The following LYZL2 variants were observed in gnomAD, a reference collection of about 807,000 sequenced individuals.
LYZL2 encodes the protein lysozyme-like protein 2.
In LYZL2, 13 loss-of-function variants were observed where a neutral mutation model predicts 17.1. That is an observed-to-expected ratio of 0.76 (90% confidence interval 0.49 to 1.21). LYZL2 has a LOEUF of 1.21. Ranked by LOEUF, LYZL2 falls within the 50% of genes most tolerant of loss-of-function variation. The pLI, the probability that LYZL2 is intolerant of heterozygous loss-of-function variation, is 0.00. For synonymous variants in LYZL2, 63 were observed against 74.4 expected (o/e 0.85, Z 0.79); for missense variants, 166 against 189.2 (o/e 0.88, Z 0.72).
intron 3 of LYZL2, among the ~76,000 whole-genome samples, chr10:30,619,598 G>A (rs1564408439): frequency 6.9e-6 from 1 of 145,250 alleles, no homozygotes; most frequent in Non-Finnish European, 1.5e-5. Flanking sequence ...AACACCGCAT[G>A]TTCTCACTCA....
At chr10:30,627,848 T>C (rs1838740569) in intron 1 of LYZL2, among the ~76,000 whole-genome samples, 1 of 152,200 alleles carries the variant, frequency 6.6e-6, no homozygotes, top group Non-Finnish European at 1.5e-5. Context: ...CACGTGGACC[T>C]GAATGGAAAA....
intron 3 of LYZL2, among the ~76,000 whole-genome samples, chr10:30,621,143 C>G (rs555376092): frequency 6.6e-6 from 1 of 152,032 alleles, no homozygotes; most frequent in Non-Finnish European, 1.5e-5. Context: ...CACACATCAT[C>G]GAATTGCTGA....
chr10:30,608,400 T>TA (rs375452799), downstream of LYZL2, among the ~76,000 whole-genome samples: 143 of 152,344 alleles, frequency 9.4e-4, 1 homozygote, highest in African/African-American at 3.3e-3. Flanking sequence ...CCTCTACTTT[T>TA]AAAATTCACC....
chr10:30,608,613 G>T (rs1280585047), downstream of LYZL2, among the ~76,000 whole-genome samples: 1 of 152,168 alleles, frequency 6.6e-6, no homozygotes, highest in African/African-American at 2.4e-5. Flanking sequence ...ATTCTCTGCT[G>T]TCGCGCTGTG....
At position 30,624,639 on chromosome 10, in the gene LYZL2, T is replaced by C. The variant is rs561585154; in HGVS notation, c.298+1466A>G. 1.2e-4 allele frequency among the ~76,000 whole-genome samples: 19 copies of C among 152,340 alleles called. No individual in the cohort carries two copies. The South Asian group carries it at 2.9e-3, about 23-fold the overall frequency. The stretch of plus-strand genomic sequence containing the variant: ...GGAGGTAAAAAATGTAACAACTTGA[T>C]TCTCAGAAAATATACTCTAGGTGGC... On this transcript the variant is annotated intron_variant, in intron 3 of 4. Transcript: ENST00000647634.
At chr10:30,610,099 A>G (rs1838415630), downstream of LYZL2, among the ~76,000 whole-genome samples, 2 of 146,866 alleles carry the variant, frequency 1.4e-5, no homozygotes, top group African/African-American at 5.1e-5. Flanking sequence ...AAAATACATG[A>G]ACACTAACAA....
Position 30,612,700 on chromosome 10 carries a change from TCTC to T in LYZL2, c.377+119_377+121del, listed in dbSNP as rs554983641. On this transcript the variant is annotated intron_variant, in intron 4 of 4. Coordinates refer to ENST00000647634, the MANE Select transcript of LYZL2 (RefSeq NM_183058.3). ...CTGATGGAGGAGAATATAGACAAGG[TCTC>T]CTTCCATTGGTTGGACCACTCTGCG... The T allele has an allele frequency of 2.1e-4, 149 of 695,676 alleles. 1 individual carries two copies. In the South Asian group the frequency reaches 2.5e-3, roughly 12 times the overall value. The allele number at this position is 695,676 out of a possible 1,614,324, so 43.1% of individuals were successfully genotyped here. A position where few individuals can be genotyped will look rare whatever the true frequency, so the allele number is the denominator to read the frequency against.
chr10:30,626,200 C>T lies in LYZL2; in HGVS notation c.203G>A (p.Gly68Asp), dbSNP rs1182092355. 1.2e-6 allele frequency: 2 copies of T among 1,614,258 alleles called. No homozygotes were observed. Among genetic ancestry groups the T allele is most frequent in the South Asian group, 1.1e-5 (1 of 91,090 alleles). ...NTTAQTVLDD[G>D]SIDYGIFQIN... The stretch of plus-strand genomic sequence containing the variant: ...CTGGAAGATGCCGTAGTCGATGCTG[C>T]CGTCATCCAGGACCGTCTGGGCTGT... Residue 68 changes from glycine (G) to aspartate (D), a missense_variant, in exon 3 of 5, where the codon GGC becomes GAC. Gly to Asp is a moderately conservative substitution (Grantham distance 94). Coordinates refer to ENST00000647634, the MANE Select transcript of LYZL2 (RefSeq NM_183058.3).
intron 3 of LYZL2, among the ~76,000 whole-genome samples, chr10:30,613,570 AG>A (rs1388023705): frequency 1.3e-5 from 2 of 151,598 alleles, no homozygotes; most frequent in Non-Finnish European, 2.9e-5. Context: ...TTGACGTGTA[AG>A]GTTTCTTTAC....
At chr10:30,625,808 A>G (rs1838692080) in intron 3 of LYZL2, among the ~76,000 whole-genome samples, 1 of 152,236 alleles carries the variant, frequency 6.6e-6, no homozygotes, top group Non-Finnish European at 1.5e-5. Flanking sequence ...CCTTTTTCTT[A>G]CTGAAGACAT....
intron 3 of LYZL2, among the ~76,000 whole-genome samples, chr10:30,619,733 G>C (rs1239363978): frequency 1.3e-5 from 2 of 151,772 alleles, no homozygotes; most frequent in Non-Finnish European, 2.9e-5. Flanking sequence ...TGCTAAATGA[G>C]GAGTTAATGA....
intron 3 of LYZL2, among the ~76,000 whole-genome samples, chr10:30,614,189 T>C (rs1456964781): frequency 6.6e-6 from 1 of 152,214 alleles, no homozygotes; most frequent in Non-Finnish European, 1.5e-5. Flanking sequence ...AGTTGAGTCC[T>C]CCAGGAGCTG....
chr10:30,624,428 C>T (rs956291253), intron 3 of LYZL2, among the ~76,000 whole-genome samples: 2 of 152,200 alleles, frequency 1.3e-5, no homozygotes, highest in East Asian at 3.9e-4. Flanking sequence ...CCTTTTGTAC[C>T]TCAGTGCTGG....
chr10:30,612,073 A>C, intron 4 of LYZL2, 49 bp from the exon 5 acceptor site: 1 of 1,601,420 alleles, frequency 6.2e-7, no homozygotes, highest in Non-Finnish European at 8.5e-7. Context: ...GTGACAATCC[A>C]AACCGTCTCA....
chr10:30,622,676 AT>A (rs1838644057), intron 3 of LYZL2, among the ~76,000 whole-genome samples: 1 of 152,230 alleles, frequency 6.6e-6, no homozygotes, highest in Non-Finnish European at 1.5e-5. Context: ...ATAAAGTCTT[AT>A]TGGAACACAG....
Position 30,626,157 on chromosome 10 carries a change from C to G in LYZL2, c.246G>C (p.Trp82Cys). 1 of 1,614,262 alleles carries G rather than the reference C, an allele frequency of 6.2e-7. No homozygotes were observed. Among genetic ancestry groups the G allele is most frequent in the Non-Finnish European group, 8.5e-7 (1 of 1,180,054 alleles). Reference sequence around the variant, plus strand: ...TCTCCTTCAGCTTTCCGCGTCTGCACCACGCGAAGCTGTTGATCTGGAAGA... The same window carrying G: ...TCTCCTTCAGCTTTCCGCGTCTGCAGCACGCGAAGCTGTTGATCTGGAAGA... ...YGIFQINSFA[W>C]CRRGKLKENN... The change falls in exon 3 of 5, where the codon TGG becomes TGC. Residue 82 changes from tryptophan (W) to cysteine (C), a missense_variant. Physicochemically the swap from Trp to Cys is radical, Grantham distance 215. Transcript: ENST00000647634.
chr10:30,622,382 T>TAA (rs138897190), intron 3 of LYZL2, among the ~76,000 whole-genome samples: 1 of 151,146 alleles, frequency 6.6e-6, no homozygotes, highest in South Asian at 2.1e-4. Context: ...CCATCTCTAC[T>TAA]AAAAAAAATA....
chr10:30,609,966 G>C (rs1373918107), downstream of LYZL2, among the ~76,000 whole-genome samples: 2 of 152,162 alleles, frequency 1.3e-5, no homozygotes, highest in Admixed American at 6.5e-5. Flanking sequence ...AGCACACCCA[G>C]TGCCCTTTCA....
Position 30,626,773 on chromosome 10 carries a change from T to C in LYZL2, c.139+4A>G. 1 of 1,614,198 alleles carries C rather than the reference T, an allele frequency of 6.2e-7. No individual in the cohort carries two copies. The highest frequency in any genetic ancestry group is 1.7e-5 in the Admixed American group (1 of 60,024). ...GAAAGAGAGCAGGAAAGAAATAATC[T>C]CACAGTTTCCAAGGCTGAAGCCCCA... is the stretch of plus-strand genomic sequence containing the variant. On this transcript the variant is annotated splice_donor_region_variant and intron_variant, in intron 2 of 4. Coordinates refer to ENST00000647634, the MANE Select transcript of LYZL2 (RefSeq NM_183058.3).
Sources: allele counts gnomAD v4.1 joint callset (sites outside exome capture counted in the v4.1 genomes callset), GRCh38; gene constraint gnomAD v4.1.1; transcripts MANE v1.5; gene names NCBI Gene and HGNC (gene_info 2026-07-23, HGNC 2026-07-21).